The following LINGO2 variants were observed in gnomAD, a reference collection of about 807,000 sequenced individuals.
LINGO2 encodes the protein leucine rich repeat and Ig domain containing 2, also known as leucine-rich repeat and immunoglobulin-like domain-containing nogo receptor-interacting protein 2.
LINGO2 carries 14 observed loss-of-function variants against 30.6 expected under a neutral mutation model. The observed-to-expected ratio is 0.46, with a 90% confidence interval of 0.30 to 0.72. The LOEUF is 0.72. LINGO2 is among the 30% of genes least tolerant of loss of function. The pLI, the probability that LINGO2 is intolerant of heterozygous loss-of-function variation, is 0.07. For missense variants in LINGO2, 729 were observed against 751.7 expected, an observed-to-expected ratio of 0.97 and a Z score of 0.35; for synonymous variants, 317 against 288.5, an observed-to-expected ratio of 1.10 and a Z score of -1.00.
chr9:28,006,483 A>T (rs887203073), intron 5 of LINGO2, among the ~76,000 whole-genome samples: 9 of 152,152 alleles, frequency 5.9e-5, no homozygotes, highest in Admixed American at 2.0e-4. Flanking sequence ...TAACTGTATA[A>T]AATGCCTTGC....
chr9:28,946,861 G>A, the LINGO2 span, among the ~76,000 whole-genome samples: 1 of 152,024 alleles, frequency 6.6e-6, no homozygotes, highest in Non-Finnish European at 1.5e-5. Context: ...AATAACCCAA[G>A]CAAATCTGAC....
intron 2 of LINGO2, among the ~76,000 whole-genome samples, chr9:28,430,103 CGCGCGCGTGT>C (rs11278719): frequency 0.46 from 34,035 of 73,268 alleles, 4,970 homozygotes; most frequent in Non-Finnish European, 0.51. Flanking sequence ...TCCACGCGCG[CGCGCGCGTGT>C]GTGTGTGTGT....
At chr9:28,580,502 T>C (rs1355364062) in intron 1 of LINGO2, among the ~76,000 whole-genome samples, 1 of 152,012 alleles carries the variant, frequency 6.6e-6, no homozygotes, top group African/African-American at 2.4e-5. Flanking sequence ...GAGATCTCTA[T>C]GGAAGGATCA....
the LINGO2 span, chr9:27,942,944 GA>G: frequency 6.6e-6 from 1 of 152,086 alleles, no homozygotes; most frequent in African/African-American, 2.4e-5. Context: ...TAACTGGGGA[GA>G]AAAACAGCAT....
At chr9:28,728,790 T>A in the LINGO2 span, among the ~76,000 whole-genome samples, 1 of 152,042 alleles carries the variant, frequency 6.6e-6, no homozygotes, top group Admixed American at 6.6e-5. Flanking sequence ...GAATGGTAAA[T>A]ATCCTTACAG....
chr9:28,094,975 T>A (rs1172913982), intron 4 of LINGO2, among the ~76,000 whole-genome samples: 4 of 152,136 alleles, frequency 2.6e-5, no homozygotes, highest in Non-Finnish European at 5.9e-5. Context: ...CAGAAGTAAT[T>A]AGATGCCTCA....
At chr9:28,299,611 T>A (rs1284280572) in intron 3 of LINGO2, among the ~76,000 whole-genome samples, 1 of 152,174 alleles carries the variant, frequency 6.6e-6, no homozygotes, top group African/African-American at 2.4e-5. Flanking sequence ...GTTTATACTA[T>A]AATAATGCCC....
At chr9:28,831,177 A>G in the LINGO2 span, among the ~76,000 whole-genome samples, 1 of 152,254 alleles carries the variant, frequency 6.6e-6, no homozygotes, top group Admixed American at 6.5e-5. Context: ...CAAACATAGG[A>G]ATATGTGTTT....
At chr9:29,036,936 G>A in the LINGO2 span, among the ~76,000 whole-genome samples, 1 of 151,780 alleles carries the variant, frequency 6.6e-6, no homozygotes, top group Admixed American at 6.6e-5. Context: ...TAGTTATTAA[G>A]GTTTTTCTTA....
intron 4 of LINGO2, among the ~76,000 whole-genome samples, chr9:28,218,128 A>T (rs1387249894): frequency 6.7e-6 from 1 of 148,684 alleles, no homozygotes; most frequent in African/African-American, 2.4e-5. Flanking sequence ...TTATATTATA[A>T]ATATATATAA....
chr9:28,551,053 G>C lies in LINGO2; in HGVS notation c.-364-75028C>G, dbSNP rs193070070. Among the ~76,000 whole-genome samples, 59 of 151,872 alleles carry C rather than the reference G, an allele frequency of 3.9e-4. 1 individual carries two copies. The highest frequency in any genetic ancestry group is 3.8e-3 in the Admixed American group (58 of 15,226). ...TCAGAGTATATTAACATTCAATATA[G>C]TGTTCTCCACACATTTCTGTAGATT... On this transcript the variant is annotated intron_variant, in intron 1 of 5. Coordinates refer to ENST00000379992, the Ensembl canonical transcript of LINGO2.
the LINGO2 span, among the ~76,000 whole-genome samples, chr9:29,128,374 C>T: frequency 6.6e-6 from 1 of 152,172 alleles, no homozygotes; most frequent in East Asian, 1.9e-4. Context: ...TCACTCCCCA[C>T]TTGGCTGCAT....
chr9:28,265,879 G>C (rs768655791), intron 4 of LINGO2, among the ~76,000 whole-genome samples: 1 of 151,888 alleles, frequency 6.6e-6, no homozygotes, highest in Non-Finnish European at 1.5e-5. Context: ...GCTTTGGTTA[G>C]GTTTAAAGGC....
chr9:28,165,714 C>T (rs898343577), intron 4 of LINGO2, among the ~76,000 whole-genome samples: 1 of 152,150 alleles, frequency 6.6e-6, no homozygotes, highest in African/African-American at 2.4e-5. Context: ...AGGGAGGCTT[C>T]CTTCCGCTCA....
At chr9:28,951,022 T>C in the LINGO2 span, among the ~76,000 whole-genome samples, 1 of 152,138 alleles carries the variant, frequency 6.6e-6, no homozygotes, top group Non-Finnish European at 1.5e-5. Flanking sequence ...CAAAACAGCA[T>C]GGTACTGGTA....
intron 3 of LINGO2, among the ~76,000 whole-genome samples, chr9:28,340,530 G>T (rs1440491655): frequency 1.3e-5 from 2 of 151,948 alleles, no homozygotes; most frequent in African/African-American, 2.4e-5. Flanking sequence ...ATTTATTTTT[G>T]AATTCTTTTG....
the LINGO2 span, among the ~76,000 whole-genome samples, chr9:28,932,107 A>AAAAATAAATAAAAT: frequency 9.3e-6 from 1 of 107,564 alleles, no homozygotes; most frequent in Non-Finnish European, 1.8e-5. Context: ...ACTCTGACAA[A>AAAAATAAATAAAAT]AAAATAAAAT....
At chr9:28,835,284 G>T in the LINGO2 span, among the ~76,000 whole-genome samples, 10 of 152,198 alleles carry the variant, frequency 6.6e-5, no homozygotes, top group African/African-American at 2.4e-4. Flanking sequence ...TCTGGTATGG[G>T]GACTTTTCTG....
intron 1 of LINGO2, among the ~76,000 whole-genome samples, chr9:28,482,859 G>A (rs930040516): frequency 6.6e-6 from 1 of 152,024 alleles, no homozygotes; most frequent in African/African-American, 2.4e-5. Context: ...ATGGATTAAA[G>A]ACTTAAACGT....
Sources: allele counts gnomAD v4.1 joint callset (sites outside exome capture counted in the v4.1 genomes callset), GRCh38; gene constraint gnomAD v4.1.1; transcripts MANE v1.5; gene names NCBI Gene and HGNC (gene_info 2026-07-23, HGNC 2026-07-21).